Variants in EIF4A1 observed in about 807,000 individuals in gnomAD.
EIF4A1 encodes eukaryotic initiation factor 4A-I.
A neutral mutation model predicts 53.5 loss-of-function variants in EIF4A1; 11 were observed. That is an observed-to-expected ratio of 0.21 (90% confidence interval 0.13 to 0.34). EIF4A1 has a LOEUF of 0.34. Ranked by LOEUF, EIF4A1 falls within the 10% of genes least tolerant of loss-of-function variation. The pLI is 1.00. For synonymous variants in EIF4A1, 237 were observed against 186.7 expected (o/e 1.27, Z -2.20); for missense variants, 213 against 530.8 (o/e 0.40, Z 5.88).
In EIF4A1 at chr17:7,576,512, C is replaced by G; in HGVS notation, c.346-12C>G. ...GTAACTGACATATGAGCACCTGCCT[C>G]TCTCTGCTCAGATACAGAAGGTGGT... On this transcript the variant is annotated splice_polypyrimidine_tract_variant and intron_variant, in intron 4 of 10. Transcript: ENST00000293831. The G allele has an allele frequency of 6.4e-7, 1 of 1,555,228 alleles. No individual in the cohort carries two copies. Among genetic ancestry groups the G allele is most frequent in the Non-Finnish European group, 8.7e-7 (1 of 1,149,878 alleles).
chr17:7,574,131 CTGGTGGGAGT>C, intron 1 of EIF4A1, 119 bp from the exon 2 acceptor site: 1 of 1,025,874 alleles, frequency 9.7e-7, no homozygotes, highest in Non-Finnish European at 1.5e-6. Flanking sequence ...TTTTTGGGAG[CTGGTGGGAGT>C]TGGATCTGGG....
At chr17:7,577,000 C>G (rs748912261) in intron 5 of EIF4A1, 56 bp from the exon 6 acceptor site, 2 of 1,591,268 alleles carry the variant, frequency 1.3e-6, no homozygotes, top group Non-Finnish European at 1.7e-6. Flanking sequence ...TTGGATATAT[C>G]TCTCCCACAT....
In EIF4A1 at chr17:7,576,563, G is replaced by T. The variant is rs760193070; in HGVS notation, c.385G>T (p.Ala129Ser). ...CATGGCACTAGGAGACTACATGGGC[G>T]CCTCCTGTCACGCCTGTATCGGGGG... ...VVMALGDYMG[A>S]SCHACIGGTN... The change falls in exon 5 of 11, where the codon GCC (alanine) becomes TCC (serine). Residue 129 changes from alanine (A) to serine (S), a missense_variant. Transcript: ENST00000293831. 1.9e-6 allele frequency: 3 copies of T among 1,610,570 alleles called. No individual in the cohort carries two copies. The highest frequency in any genetic ancestry group is 1.1e-5 in the South Asian group (1 of 90,594).
chr17:7,575,706 A>T (rs543028889), intron 4 of EIF4A1: 2 of 287,208 alleles, frequency 7.0e-6, no homozygotes, highest in Non-Finnish European at 1.4e-5. Flanking sequence ...ATGTTTTTAA[A>T]TGTTCTGTGG....
chr17:7,576,766 CAG>C (rs1382676133), intron 5 of EIF4A1, 74 bp downstream of exon 5: 3 of 1,556,914 alleles, frequency 1.9e-6, no homozygotes, highest in South Asian at 1.2e-5. Context: ...CAGCGTAAGC[CAG>C]AGTCATTCCC....
rs932883246 is a variant in EIF4A1 at position 7,572,978 on chromosome 17, TG to T, written c.23+120del. The stretch of plus-strand genomic sequence containing the variant: ...GGGTTGCGGGAGAAACCGAACCGGG[TG>T]GGGGGAGGGTCCGACTTGGAGGGGC... On this transcript the variant is annotated intron_variant, in intron 1 of 10. Coordinates refer to ENST00000293831, the MANE Select transcript of EIF4A1 (RefSeq NM_001416.4). 1.3e-5 allele frequency: 21 copies of T among 1,580,210 alleles called. 1 individual carries two copies. Among genetic ancestry groups the T allele is most frequent in the Admixed American group, 1.2e-4 (7 of 59,568 alleles).
chr17:7,576,958 ACTT>A, intron 5 of EIF4A1, 95 bp from the exon 6 acceptor site: 3 of 1,437,650 alleles, frequency 2.1e-6, no homozygotes, highest in Middle Eastern at 1.8e-4. Flanking sequence ...AGAGCAGACT[ACTT>A]GGCTCCTCTC....
In EIF4A1 at chr17:7,578,491, C is replaced by A. The variant is rs1225536205; in HGVS notation, c.*5C>A. On this transcript the variant is annotated 3_prime_UTR_variant, in exon 11 of 11. Coordinates refer to ENST00000293831, the MANE Select transcript of EIF4A1 (RefSeq NM_001416.4). Reference sequence around the variant, plus strand: ...AATGTTGCTGACCTCATCTGAGGGGCTGTCCTGCCACCCAGCCCCAGCCAG... The same window carrying A: ...AATGTTGCTGACCTCATCTGAGGGGATGTCCTGCCACCCAGCCCCAGCCAG... 7 of 1,581,668 alleles carry A rather than the reference C, an allele frequency of 4.4e-6. No individual in the cohort carries two copies. The highest frequency in any genetic ancestry group is 5.2e-6 in the Non-Finnish European group (6 of 1,161,420).
At position 7,578,446 on chromosome 17, in the gene EIF4A1, C is replaced by CCT; in HGVS notation, c.1182_1183insTC (p.Ile395SerfsTer65). The stretch of plus-strand genomic sequence containing the variant: ...GACATTGAGACCTTCTACAACACCT[C>CCT]CATTGAGGAAATGCCCCTCAATGTT... On this transcript the variant is annotated frameshift_variant, in exon 11 of 11. Coordinates refer to ENST00000293831, the MANE Select transcript of EIF4A1 (RefSeq NM_001416.4). LOFTEE classifies it high-confidence loss of function. The CCT allele has an allele frequency of 6.2e-7, 1 of 1,612,806 alleles. No individual in the cohort carries two copies. Among genetic ancestry groups the CCT allele is most frequent in the Non-Finnish European group, 8.5e-7 (1 of 1,179,174 alleles).
chr17:7,576,958 A>C (rs1398693688), intron 5 of EIF4A1, 98 bp from the exon 6 acceptor site: 24 of 1,437,532 alleles, frequency 1.7e-5, no homozygotes, highest in African/African-American at 2.8e-5. Context: ...AGAGCAGACT[A>C]CTTGGCTCCT....
At position 7,575,342 on chromosome 17, in the gene EIF4A1, C is replaced by T. The variant is rs751289125; in HGVS notation, c.345+84C>T. On this transcript the variant is annotated intron_variant, in intron 4 of 10. Coordinates refer to ENST00000293831, the MANE Select transcript of EIF4A1 (RefSeq NM_001416.4). The stretch of plus-strand genomic sequence containing the variant: ...AAGGACCAGAGAAGTCTTCTCTGAT[C>T]ACCACCTTGGGAGGAAGACATGGGT... 5.0e-6 allele frequency: 8 copies of T among 1,590,956 alleles called. No individual in the cohort carries two copies. The East Asian group carries it at 6.7e-5, about 13-fold the overall frequency.
At chr17:7,575,039 A>C in intron 3 of EIF4A1, 80 bp from the exon 4 acceptor site, 1 of 1,569,382 alleles carries the variant, frequency 6.4e-7, no homozygotes, top group South Asian at 1.1e-5. Flanking sequence ...TTGGTTGCTT[A>C]TTGACCTCAT....
At position 7,577,635 on chromosome 17, in the gene EIF4A1, A is replaced by T; in HGVS notation, c.835A>T (p.Ile279Phe). ...TLTITQAVIFINTRRKVDWLT... is the reference protein window; with the variant it reads ...TLTITQAVIFFNTRRKVDWLT... ...GACCATCACCCAGGCAGTCATCTTC[A>T]TCAACACCCGGAGGAAGGTGGACTG... Residue 279 changes from isoleucine (I) to phenylalanine (F), a missense_variant, in exon 8 of 11, where the codon ATC (isoleucine) becomes TTC (phenylalanine). Ile to Phe is a conservative substitution (Grantham distance 21, BLOSUM62 0). Transcript: ENST00000293831. This position sits in a 1 kb window ranked among gnomAD's most constrained non-coding sequence, Gnocchi z 4.7. 1 of 1,613,132 alleles carries T rather than the reference A, an allele frequency of 6.2e-7. No homozygotes were observed. Among genetic ancestry groups the T allele is most frequent in the Non-Finnish European group, 8.5e-7 (1 of 1,179,956 alleles).
At chr17:7,578,120 A>T in intron 9 of EIF4A1, 45 bp from the exon 10 acceptor site, 3 of 1,613,028 alleles carry the variant, frequency 1.9e-6, no homozygotes, top group Non-Finnish European at 2.5e-6. Flanking sequence ...TCCGGGATAG[A>T]GTGTCCTCCG....
rs150226906 is a variant in EIF4A1, at chr17:7,578,438, C to T, written c.1173C>T (p.Tyr391=). Residue 391 remains tyrosine, a synonymous_variant, in exon 11 of 11, where the codon TAC becomes TAT. Coordinates refer to ENST00000293831, the MANE Select transcript of EIF4A1 (RefSeq NM_001416.4). ...KRTLRDIETF[Y]NTSIEEMPLN... is the part of the protein sequence containing the mutation. ...CTCTTCGAGACATTGAGACCTTCTA[C>T]AACACCTCCATTGAGGAAATGCCCC... 9 of 1,613,438 alleles carry T rather than the reference C, an allele frequency of 5.6e-6. No individual in the cohort carries two copies. Among genetic ancestry groups the T allele is most frequent in the South Asian group, 2.2e-5 (2 of 91,014 alleles).
At position 7,577,646 on chromosome 17, in the gene EIF4A1, G is replaced by C; in HGVS notation, c.846G>C (p.Arg282=). 1 of 1,612,650 alleles carries C rather than the reference G, an allele frequency of 6.2e-7. No individual in the cohort carries two copies. The highest frequency in any genetic ancestry group is 1.7e-4 in the Middle Eastern group (1 of 6,054). ...ITQAVIFINT[R]RKVDWLTEKM... ...AGGCAGTCATCTTCATCAACACCCGGAGGAAGGTGGACTGGCTCACCGAGA... is the reference window on the plus strand; with the variant it reads ...AGGCAGTCATCTTCATCAACACCCGCAGGAAGGTGGACTGGCTCACCGAGA... Residue 282 remains arginine (R), a synonymous_variant, in exon 8 of 11, where the codon CGG becomes CGC. Coordinates refer to ENST00000293831, the MANE Select transcript of EIF4A1 (RefSeq NM_001416.4). This position sits in a 1 kb window ranked among gnomAD's most constrained non-coding sequence, Gnocchi z 4.7.
Position 7,577,290 on chromosome 17 carries a change from G to A in EIF4A1, c.625-54G>A. On this transcript the variant is annotated intron_variant, in intron 6 of 10. Coordinates refer to ENST00000293831, the MANE Select transcript of EIF4A1 (RefSeq NM_001416.4). The surrounding 1 kb of genome is among the most constrained non-coding windows in gnomAD (Gnocchi z 4.7). ...CAGTTTTAGGTGTGGCTAGGGAAGG[G>A]AGCAGGCCTCAGGAAGGAACCAGCA... The A allele has an allele frequency of 6.2e-7, 1 of 1,605,522 alleles. No individual in the cohort carries two copies. Among genetic ancestry groups the A allele is most frequent in the Non-Finnish European group, 8.5e-7 (1 of 1,174,962 alleles).
intron 5 of EIF4A1, 180 bp downstream of exon 5, chr17:7,576,872 G>A (rs1240290192): frequency 7.4e-6 from 10 of 1,357,216 alleles, no homozygotes; most frequent in Non-Finnish European, 1.1e-5. Flanking sequence ...GTGCAGCCCT[G>A]GCAGTGTCCT....
intron 9 of EIF4A1, 111 bp downstream of exon 9, chr17:7,578,027 C>T (rs2071425460): frequency 6.4e-7 from 1 of 1,567,602 alleles, no homozygotes; most frequent in Non-Finnish European, 8.8e-7. Flanking sequence ...TAGAATCTGG[C>T]ATGCCTAAGG....
Sources: gnomAD v4.1 joint callset for allele counts on GRCh38, gnomAD v4.1.1 for gene constraint, Gnocchi (gnomAD v3.1) non-coding constraint, MANE v1.5 for transcripts, NCBI Gene and HGNC (gene_info 2026-07-23, HGNC 2026-07-21) for gene names.